Variants in KLHL14 observed in about 807,000 individuals in gnomAD.
KLHL14 encodes the protein kelch like family member 14.
A neutral mutation model predicts 64.3 loss-of-function variants in KLHL14; 22 were observed. The observed-to-expected ratio is 0.34, with a 90% CI of 0.24 to 0.49. The LOEUF is 0.49. KLHL14 is among the 20% of genes least tolerant of loss of function. The pLI is 0.99. For missense variants in KLHL14, 661 were observed against 789.0 expected (o/e 0.84, Z 1.94); for synonymous variants, 322 against 333.4 (o/e 0.97, Z 0.37).
chr18:32,764,243 G>A (rs1003307649), intron 2 of KLHL14, among the ~76,000 whole-genome samples: 2 of 152,042 alleles, frequency 1.3e-5, no homozygotes, highest in African/African-American at 2.4e-5. Context: ...TCTGAATAAT[G>A]ATGACCATTC....
intron 3 of KLHL14, among the ~76,000 whole-genome samples, chr18:32,701,241 G>A (rs543073822): frequency 5.9e-5 from 9 of 152,152 alleles, no homozygotes; most frequent in Admixed American, 3.9e-4. Flanking sequence ...ACAACTGAAC[G>A]AGGCAGACAA....
At chr18:32,693,701 C>T (rs773447501) in intron 4 of KLHL14, among the ~76,000 whole-genome samples, 3 of 152,116 alleles carry the variant, frequency 2.0e-5, no homozygotes, top group Non-Finnish European at 4.4e-5. Flanking sequence ...TGGTAAATGC[C>T]GTTGTGTGCT....
At chr18:32,738,571 C>T (rs934971575) in intron 3 of KLHL14, 1 of 152,062 alleles carries the variant, frequency 6.6e-6, no homozygotes, top group Non-Finnish European at 1.5e-5. Flanking sequence ...TGTTATTTCT[C>T]AATATTTTTC....
Position 32,770,094 on chromosome 18 carries a change from G to C in KLHL14, c.498C>G (p.Ile166Met). The C allele has an allele frequency of 6.2e-7, 1 of 1,614,164 alleles. No individual in the cohort carries two copies. Among genetic ancestry groups the C allele is most frequent in the Admixed American group, 1.7e-5 (1 of 60,024 alleles). ...EVLSVSKILH[I>M]PQVTKLCVQF... ...GCACGCAGAGCTTGGTGACCTGGGG[G>C]ATGTGCAGGATCTTGCTGACCGACA... Residue 166 changes from isoleucine to methionine, a missense_variant, in exon 2 of 9, where the codon ATC becomes ATG. Coordinates refer to ENST00000359358, the MANE Select transcript of KLHL14 (RefSeq NM_020805.3). The surrounding 1 kb of genome is among the most constrained non-coding windows in gnomAD (Gnocchi z 6.7).
chr18:32,674,679 G>A lies in KLHL14; in HGVS notation c.1865C>T (p.Ser622Phe), dbSNP rs771293024. The A allele has an allele frequency of 1.8e-5, 14 of 780,758 alleles. No homozygotes were observed. Among genetic ancestry groups the A allele is most frequent in the Non-Finnish European group, 2.9e-5 (12 of 418,014 alleles). The allele number at this position is 780,758 out of a possible 1,614,324, so 48.4% of individuals were successfully genotyped here. The change falls in exon 9 of 9, where the codon TCT becomes TTT. Residue 622 changes from serine to phenylalanine, a missense_variant. Physicochemically the swap from Ser to Phe is radical, Grantham distance 155. Coordinates refer to ENST00000359358, the MANE Select transcript of KLHL14 (RefSeq NM_020805.3). Reference sequence around the variant, plus strand: ...GTGTTATTTGTTGTATGGTACACAAGAGGGCAGAATAACTGTCACACAGGC... The same window carrying A: ...GTGTTATTTGTTGTATGGTACACAAAAGGGCAGAATAACTGTCACACAGGC... Reference protein sequence around the residue: ...GPACVTVILPSCVPYNK With the variant: ...GPACVTVILPFCVPYNK
chr18:32,769,568 T>TA, intron 2 of KLHL14, 77 bp downstream of exon 2: 5 of 414,820 alleles, frequency 1.2e-5, no homozygotes, highest in Non-Finnish European at 1.2e-5. Flanking sequence ...TCTTCCCTCC[T>TA]CCCTGCCCCC....
chr18:32,771,349 C>A (rs535054045), intron 1 of KLHL14, among the ~76,000 whole-genome samples: 1 of 152,296 alleles, frequency 6.6e-6, no homozygotes, highest in South Asian at 2.1e-4. Context: ...TCAGTGGAAT[C>A]GGCAGAGGCG....
At chr18:32,742,483 G>A (rs1285392676) in intron 2 of KLHL14, among the ~76,000 whole-genome samples, 1 of 152,114 alleles carries the variant, frequency 6.6e-6, no homozygotes, top group Admixed American at 6.5e-5. Context: ...GGTTATGCAG[G>A]GAGTTTGTGA....
intron 2 of KLHL14, 43 bp downstream of exon 2, chr18:32,769,602 C>CCT: frequency 2.6e-6 from 1 of 382,362 alleles, no homozygotes; most frequent in South Asian, 4.0e-5. Context: ...GCCTCTCTGG[C>CCT]TCTACCCCCC....
Position 32,695,519 on chromosome 18 carries a change from A to T in KLHL14, c.1103T>A (p.Val368Glu), listed in dbSNP as rs2049932342. Residue 368 changes from valine (V) to glutamate (E), a missense_variant, in exon 4 of 9, where the codon GTG (valine) becomes GAG (glutamate). Transcript: ENST00000359358. ...CACGAACAAGAAGTTTTCCACCTCC[A>T]CAACGCAGTGGTGGGCACTGTTGTA... ...MPYNSAHHCV[V>E]EVENFLFVLG... 1 of 1,612,180 alleles carries T rather than the reference A, an allele frequency of 6.2e-7. No individual in the cohort carries two copies. The highest frequency in any genetic ancestry group is 8.5e-7 in the Non-Finnish European group (1 of 1,178,554).
At chr18:32,703,470 C>A (rs1199636759) in intron 3 of KLHL14, among the ~76,000 whole-genome samples, 1 of 152,178 alleles carries the variant, frequency 6.6e-6, no homozygotes, top group African/African-American at 2.4e-5. Flanking sequence ...CCATGCAACA[C>A]ATATGTCAGT....
intron 3 of KLHL14, among the ~76,000 whole-genome samples, chr18:32,739,691 A>C (rs1192394510): frequency 7.0e-6 from 1 of 143,226 alleles, no homozygotes; most frequent in Non-Finnish European, 1.6e-5. Flanking sequence ...CTTCAACTTC[A>C]AATCTAATAA....
chr18:32,754,138 C>G (rs1368450243), intron 2 of KLHL14, among the ~76,000 whole-genome samples: 2 of 152,178 alleles, frequency 1.3e-5, no homozygotes, highest in African/African-American at 2.4e-5. Context: ...CAGCCTGCCA[C>G]AGTGGAGCCA....
Position 32,687,290 on chromosome 18 carries a change from G to A in KLHL14, c.1160-57C>T, listed in dbSNP as rs2049884243. On this transcript the variant is annotated intron_variant, in intron 4 of 8. Transcript: ENST00000359358. ...TAGATTCTTTTGTTGATTTGCACAT[G>A]TAGTAGTGTTTTATCAGACGTCTCT... 4.4e-6 allele frequency: 6 copies of A among 1,351,702 alleles called. No homozygotes were observed. In the East Asian group the frequency reaches 1.4e-4, roughly 31 times the overall value. 83.7% of individuals were successfully genotyped at this position (1,351,702 alleles called of 1,614,324 possible).
chr18:32,708,337 G>A (rs17665504), intron 3 of KLHL14, among the ~76,000 whole-genome samples: 1 of 151,974 alleles, frequency 6.6e-6, no homozygotes, highest in Non-Finnish European at 1.5e-5. Flanking sequence ...ATTCCATAGG[G>A]ACATTTGCAA....
At chr18:32,755,234 A>G (rs1165175439) in intron 2 of KLHL14, among the ~76,000 whole-genome samples, 3 of 152,120 alleles carry the variant, frequency 2.0e-5, no homozygotes, top group South Asian at 2.1e-4. Context: ...CCCCACTGGA[A>G]AGGGCATTCA....
intron 1 of KLHL14, among the ~76,000 whole-genome samples, chr18:32,771,540 C>A (rs879861837): frequency 4.6e-5 from 7 of 152,134 alleles, no homozygotes; most frequent in Admixed American, 3.9e-4. Flanking sequence ...CCCTCTCCCC[C>A]GTCTCGCTCA....
intron 3 of KLHL14, among the ~76,000 whole-genome samples, chr18:32,727,009 C>T (rs1305727118): frequency 6.6e-6 from 1 of 152,182 alleles, no homozygotes; most frequent in Non-Finnish European, 1.5e-5. Flanking sequence ...TGGGGTGCAG[C>T]CTTTGGAGAA....
At chr18:32,751,898 G>A (rs962148266) in intron 2 of KLHL14, among the ~76,000 whole-genome samples, 2 of 152,172 alleles carry the variant, frequency 1.3e-5, no homozygotes, top group African/African-American at 4.8e-5. Context: ...AGGCCAAGGT[G>A]GGCAGATCAC....
Sources: allele counts gnomAD v4.1 joint callset (sites outside exome capture counted in the v4.1 genomes callset), GRCh38; gene constraint gnomAD v4.1.1; non-coding constraint Gnocchi (gnomAD v3.1); transcripts MANE v1.5; gene names NCBI Gene and HGNC (gene_info 2026-07-23, HGNC 2026-07-21).